SDK1: variants seen among roughly 807,000 people sequenced by gnomAD.
SDK1 encodes the protein sidekick cell adhesion molecule 1.
Under a neutral mutation model 245.5 loss-of-function variants are expected in SDK1, and 157 were observed. That is an observed-to-expected ratio of 0.64 (90% confidence interval 0.56 to 0.73). The LOEUF is 0.73. SDK1 is among the 30% of genes least tolerant of loss of function. The probability of loss-of-function intolerance (pLI) is 0.00; values close to 1 mark genes in which losing one functional copy is unlikely to be tolerated. For synonymous variants in SDK1, 1,647 were observed against 1,278.5 expected, an observed-to-expected ratio of 1.29 and a Z score of -6.15; for missense variants, 3,583 against 3,002.3, an observed-to-expected ratio of 1.19 and a Z score of -4.52.
intron 4 of SDK1, among the ~76,000 whole-genome samples, chr7:3,688,251 C>T (rs1784347667): frequency 6.6e-6 from 1 of 152,170 alleles, no homozygotes; most frequent in Non-Finnish European, 1.5e-5. Context: ...TCCTGGAGAG[C>T]AATGAAGTGT....
At chr7:3,591,707 T>G (rs957980851) in intron 1 of SDK1, among the ~76,000 whole-genome samples, 6 of 152,244 alleles carry the variant, frequency 3.9e-5, no homozygotes, top group African/African-American at 1.4e-4. Context: ...GCTATTTGTA[T>G]TCTTTGCACT....
At chr7:3,657,312 G>A (rs1373469229) in intron 4 of SDK1, among the ~76,000 whole-genome samples, 2 of 152,158 alleles carry the variant, frequency 1.3e-5, no homozygotes, top group African/African-American at 4.8e-5. Context: ...CTGTCTGGAG[G>A]TGCTGTCACA....
intron 37 of SDK1, 104 bp downstream of exon 37, chr7:4,208,389 G>A (rs1372753957): frequency 6.9e-6 from 7 of 1,018,124 alleles, no homozygotes; most frequent in South Asian, 4.3e-5. Flanking sequence ...CGCCCAGGCG[G>A]AAGGCAACAC....
At chr7:3,535,385 A>G (rs571510939) in intron 1 of SDK1, among the ~76,000 whole-genome samples, 3 of 152,340 alleles carry the variant, frequency 2.0e-5, no homozygotes, top group African/African-American at 7.2e-5. Context: ...TTAATGTTGA[A>G]TGTTACCTTC....
At position 4,127,485 on chromosome 7, in the gene SDK1, C is replaced by T; in HGVS notation, c.3928C>T (p.Leu1310=). 6.2e-7 allele frequency: 1 copy of T among 1,613,048 alleles called. No homozygotes were observed. Among genetic ancestry groups the T allele is most frequent in the Non-Finnish European group, 8.5e-7 (1 of 1,178,962 alleles). The change falls in exon 26 of 45, where the codon CTG becomes TTG. Residue 1310 remains leucine (L), a synonymous_variant. Coordinates refer to ENST00000404826, the MANE Select transcript of SDK1 (RefSeq NM_152744.4). The stretch of plus-strand genomic sequence containing the variant: ...GGAACAGGACCAGAATGGGCTCATA[C>T]TGGGCTACAAGGTGTGTGATCACAG... ...VPEQDQNGLI[L]GYKILFRAKD...
At chr7:4,226,914 A>G (rs1197718807) in intron 40 of SDK1, among the ~76,000 whole-genome samples, 1 of 151,608 alleles carries the variant, frequency 6.6e-6, no homozygotes, top group Admixed American at 6.6e-5. Flanking sequence ...AATGTGCCCA[A>G]TGCAGGCAGA....
chr7:4,082,777 C>T (rs1297442387), intron 22 of SDK1, among the ~76,000 whole-genome samples: 1 of 152,012 alleles, frequency 6.6e-6, no homozygotes, highest in Non-Finnish European at 1.5e-5. Context: ...TGTGCCACCA[C>T]ACCAGCTAAC....
At chr7:3,590,730 G>A (rs993008763) in intron 1 of SDK1, among the ~76,000 whole-genome samples, 1 of 150,922 alleles carries the variant, frequency 6.6e-6, no homozygotes, top group Non-Finnish European at 1.5e-5. Context: ...GAGCCTCACT[G>A]CTGGACCTTT....
intron 40 of SDK1, among the ~76,000 whole-genome samples, chr7:4,232,676 C>T (rs1167283588): frequency 2.0e-5 from 3 of 152,002 alleles, no homozygotes; most frequent in African/African-American, 7.3e-5. Context: ...GTTGCCCAGG[C>T]TGGTCTCCAG....
intron 43 of SDK1, among the ~76,000 whole-genome samples, chr7:4,244,977 T>C (rs1786756379): frequency 6.6e-6 from 1 of 152,202 alleles, no homozygotes; most frequent in South Asian, 2.1e-4. Flanking sequence ...TCCGCCAAGA[T>C]AGGGTCTCCT....
chr7:3,465,410 C>T (rs1780967982), intron 1 of SDK1, among the ~76,000 whole-genome samples: 1 of 152,128 alleles, frequency 6.6e-6, no homozygotes, highest in African/African-American at 2.4e-5. Flanking sequence ...GTAACGTCAG[C>T]ATAATTTGAG....
intron 5 of SDK1, among the ~76,000 whole-genome samples, chr7:3,823,817 G>A (rs1339217553): frequency 6.6e-6 from 1 of 152,100 alleles, no homozygotes; most frequent in Non-Finnish European, 1.5e-5. Flanking sequence ...CTTTTTATGA[G>A]TGCCAGATAA....
chr7:4,025,261 C>T (rs1002770417), intron 17 of SDK1, among the ~76,000 whole-genome samples: 3 of 152,222 alleles, frequency 2.0e-5, no homozygotes, highest in Admixed American at 1.3e-4. Flanking sequence ...TGATTCTTGC[C>T]TCCCTTTCGG....
chr7:4,232,993 G>A (rs1015251369), intron 40 of SDK1: 12 of 366,712 alleles, frequency 3.3e-5, no homozygotes, highest in Non-Finnish European at 4.5e-5. Context: ...ATAACCTAAC[G>A]TTTCCCACTA....
At position 3,442,095 on chromosome 7, in the gene SDK1, T is replaced by A. The variant is rs112304933; in HGVS notation, c.298+140211T>A. On this transcript the variant is annotated intron_variant, in intron 1 of 44. Transcript: ENST00000404826. ...AGATGGTGGGCATTTTGGGTGAGATTATGATAGATTTAAGCCAGAGGTTCA... is the reference window on the plus strand; with the variant it reads ...AGATGGTGGGCATTTTGGGTGAGATAATGATAGATTTAAGCCAGAGGTTCA... Among the ~76,000 whole-genome samples, 4 of 152,280 alleles carry A rather than the reference T, an allele frequency of 2.6e-5. 1 individual carries two copies. The highest frequency in any genetic ancestry group is 9.6e-5 in the African/African-American group (4 of 41,552).
intron 44 of SDK1, among the ~76,000 whole-genome samples, chr7:4,263,542 GCCTCCTGAGTGGGGAGGCCGCGTAGACC>G (rs1788205046): frequency 8.2e-5 from 5 of 61,284 alleles, no homozygotes; most frequent in East Asian, 4.0e-4. Flanking sequence ...CCGCGTAGAC[GCCTCCTGAGTGGGGAGGCCGCGTAGACC>G]TCTCCTGAGT....
At chr7:4,173,979 T>A (rs602715) in intron 32 of SDK1, among the ~76,000 whole-genome samples, 99,691 of 152,072 alleles carry the variant, frequency 0.66, 32,841 homozygotes, top group East Asian at 0.76. Flanking sequence ...TGGACAGGGG[T>A]CAAAATGCTG....
At chr7:3,887,445 G>A (rs1781363314) in intron 5 of SDK1, among the ~76,000 whole-genome samples, 1 of 152,118 alleles carries the variant, frequency 6.6e-6, no homozygotes, top group South Asian at 2.1e-4. Flanking sequence ...CAGTAGAGAA[G>A]TAATAATAAT....
chr7:4,024,998 G>A (rs1787222769), intron 17 of SDK1, among the ~76,000 whole-genome samples: 1 of 144,430 alleles, frequency 6.9e-6, no homozygotes, highest in East Asian at 2.0e-4. Context: ...GGTGCACAAT[G>A]AGAACTCTAT....
Sources: allele counts gnomAD v4.1 joint callset (sites outside exome capture counted in the v4.1 genomes callset), GRCh38; gene constraint gnomAD v4.1.1; transcripts MANE v1.5; gene names NCBI Gene and HGNC (gene_info 2026-07-23, HGNC 2026-07-21).